RB1CC1: variants seen among roughly 807,000 people sequenced by gnomAD.
The protein encoded by RB1CC1 is RB1 inducible coiled-coil 1.
In RB1CC1, 46 loss-of-function variants were observed where a neutral mutation model predicts 177.5. The ratio of observed to expected loss-of-function variants is 0.26; its 90% CI spans 0.20 to 0.33. The LOEUF is 0.33. Among genes scored for constraint, RB1CC1 ranks in the 10% least tolerant of loss-of-function variants. The probability of loss-of-function intolerance (pLI) is 1.00; values close to 1 mark genes in which losing one functional copy is unlikely to be tolerated. For synonymous variants in RB1CC1, 666 were observed against 613.6 expected (o/e 1.09, Z -1.26); for missense variants, 1,703 against 1,816.3 (o/e 0.94, Z 1.13).
intron 5 of RB1CC1, among the ~76,000 whole-genome samples, chr8:52,681,052 T>C (rs1221780246): frequency 1.3e-5 from 2 of 148,730 alleles, no homozygotes; most frequent in East Asian, 4.0e-4. Context: ...AGTGCAGTGG[T>C]GCGATCTTGG....
At chr8:52,691,955 T>C (rs1854904099) in intron 1 of RB1CC1, among the ~76,000 whole-genome samples, 1 of 152,262 alleles carries the variant, frequency 6.6e-6, no homozygotes, top group South Asian at 2.1e-4. Flanking sequence ...ATTCATTGTA[T>C]ACCACTCATA....
intron 10 of RB1CC1, 43 bp downstream of exon 10, chr8:52,661,052 G>A (rs746849983): frequency 1.7e-5 from 27 of 1,610,750 alleles, no homozygotes; most frequent in African/African-American, 5.4e-5. Context: ...ACACCAATTC[G>A]TTAAAGTTCA....
chr8:52,689,538 C>T (rs1048446588), intron 1 of RB1CC1, among the ~76,000 whole-genome samples: 1 of 152,176 alleles, frequency 6.6e-6, no homozygotes, highest in African/African-American at 2.4e-5. Flanking sequence ...GCAGCTACCA[C>T]TTTGTATTCA....
At chr8:52,649,307 C>G (rs1850349437) in intron 15 of RB1CC1, among the ~76,000 whole-genome samples, 1 of 152,144 alleles carries the variant, frequency 6.6e-6, no homozygotes, top group Non-Finnish European at 1.5e-5. Context: ...TTGTTACCAG[C>G]TGGGAACTTT....
chr8:52,637,111 T>C (rs1849205101), intron 18 of RB1CC1, among the ~76,000 whole-genome samples: 1 of 152,178 alleles, frequency 6.6e-6, no homozygotes, highest in African/African-American at 2.4e-5. Context: ...TTCTGCAACA[T>C]AACACAGTTC....
chr8:52,670,040 A>G (rs1852422249), intron 7 of RB1CC1, among the ~76,000 whole-genome samples: 2 of 152,204 alleles, frequency 1.3e-5, no homozygotes, highest in Admixed American at 6.5e-5. Context: ...TACAGGCTCA[A>G]GCGATCCTAC....
chr8:52,653,610 A>G (rs748519383), intron 15 of RB1CC1, among the ~76,000 whole-genome samples: 4 of 152,112 alleles, frequency 2.6e-5, no homozygotes, highest in South Asian at 2.1e-4. Context: ...GGAGGAGGAG[A>G]TTATTGGTGC....
chr8:52,645,674 C>A, intron 16 of RB1CC1, 28 bp downstream of exon 16: 1 of 1,594,080 alleles, frequency 6.3e-7, no homozygotes, highest in South Asian at 1.1e-5. Context: ...CTTTAGTTCT[C>A]AAATGAAATG....
intron 1 of RB1CC1, among the ~76,000 whole-genome samples, chr8:52,694,036 C>G (rs1465105884): frequency 1.3e-5 from 2 of 152,128 alleles, no homozygotes; most frequent in Non-Finnish European, 2.9e-5. Flanking sequence ...AATGTGCATA[C>G]TGAACACTTC....
Position 52,676,528 on chromosome 8 carries a change from C to G in RB1CC1, c.413G>C (p.Gly138Ala). ...VAKKLCSFCE[G>A]LVHDEHLQHQ... ...TTGAAGATGTTCATCATGTACAAGACCTTCACAAAAAGAACAAAGTTTCTT... is the reference window on the plus strand; with the variant it reads ...TTGAAGATGTTCATCATGTACAAGAGCTTCACAAAAAGAACAAAGTTTCTT... The change falls in exon 6 of 24, where the codon GGT becomes GCT. Residue 138 changes from glycine (G) to alanine (A), a missense_variant. Physicochemically the swap from Gly to Ala is moderately conservative, Grantham distance 60 (BLOSUM62 0). Transcript: ENST00000025008. The G allele has an allele frequency of 6.2e-7, 1 of 1,611,840 alleles. No homozygotes were observed. The highest frequency in any genetic ancestry group is 2.2e-5 in the East Asian group (1 of 44,846).
At chr8:52,659,573 C>T (rs985984967) in intron 12 of RB1CC1, among the ~76,000 whole-genome samples, 4 of 151,768 alleles carry the variant, frequency 2.6e-5, no homozygotes, top group Non-Finnish European at 4.4e-5. Context: ...TGTGGAGATG[C>T]CAAGATGCTC....
chr8:52,662,012 T>C (rs929921658), intron 8 of RB1CC1, among the ~76,000 whole-genome samples: 9 of 152,040 alleles, frequency 5.9e-5, no homozygotes, highest in African/African-American at 1.9e-4. Flanking sequence ...TTAGAAGCTA[T>C]GTGTCTAGAA....
At chr8:52,694,782 C>G (rs1013680321) in intron 1 of RB1CC1, among the ~76,000 whole-genome samples, 1 of 152,170 alleles carries the variant, frequency 6.6e-6, no homozygotes, top group African/African-American at 2.4e-5. Context: ...TTCTTTCTAA[C>G]AGATGATAGA....
intron 1 of RB1CC1, 145 bp from the exon 2 acceptor site, chr8:52,687,112 A>C (rs1854341203): frequency 2.9e-6 from 1 of 346,892 alleles, no homozygotes; most frequent in Non-Finnish European, 5.6e-6. Flanking sequence ...CTATAATAAC[A>C]ACCACATGAC....
At chr8:52,639,683 C>T (rs1265877247) in intron 18 of RB1CC1, among the ~76,000 whole-genome samples, 1 of 152,254 alleles carries the variant, frequency 6.6e-6, no homozygotes, top group Non-Finnish European at 1.5e-5. Flanking sequence ...TAAATGGGCA[C>T]TGCATTATAT....
intron 12 of RB1CC1, 73 bp from the exon 13 acceptor site, chr8:52,659,049 T>G (rs1385784420): frequency 4.1e-6 from 3 of 731,054 alleles, no homozygotes; most frequent in African/African-American, 1.9e-5. Context: ...ATATGATTTC[T>G]TACTATAATT....
At position 52,714,198 on chromosome 8, in the gene RB1CC1, A is replaced by G. The variant is rs1591178257; in HGVS notation, c.-290T>C. On this transcript the variant is annotated 5_prime_UTR_variant, in exon 1 of 24. Transcript: ENST00000025008. Reference sequence around the variant, plus strand: ...GCCCATTCGGCACCGCTAAGCCGACACAACCGCCGGCGTCCCGGGCGCCCG... The same window carrying G: ...GCCCATTCGGCACCGCTAAGCCGACGCAACCGCCGGCGTCCCGGGCGCCCG... 4.4e-6 allele frequency: 1 copy of G among 225,674 alleles called. No individual in the cohort carries two copies. Among genetic ancestry groups the G allele is most frequent in the South Asian group, 3.7e-5 (1 of 26,884 alleles). The allele number at this position is 225,674 out of a possible 1,614,324, so 14.0% of individuals were successfully genotyped here. A position where few individuals can be genotyped will look rare whatever the true frequency, so the allele number is the denominator to read the frequency against.
At position 52,642,339 on chromosome 8, in the gene RB1CC1, A is replaced by T. The variant is rs1270423438; in HGVS notation, c.4337+12T>A. ...AACAGCCTTAAAAACAGTTGAAAAC[A>T]GCCATACTTACTGTACAGACATCAT... is the stretch of plus-strand genomic sequence containing the variant. On this transcript the variant is annotated intron_variant, in intron 18 of 23. Coordinates refer to ENST00000025008, the MANE Select transcript of RB1CC1 (RefSeq NM_014781.5). The T allele has an allele frequency of 1.2e-6, 2 of 1,600,352 alleles. No individual in the cohort carries two copies. The highest frequency in any genetic ancestry group is 1.7e-6 in the Non-Finnish European group (2 of 1,170,350).
chr8:52,665,778 A>G (rs1293977320), intron 8 of RB1CC1, among the ~76,000 whole-genome samples: 1 of 152,204 alleles, frequency 6.6e-6, no homozygotes, highest in African/African-American at 2.4e-5. Context: ...AGAGAGAGAA[A>G]TTAGGTGACT....
Sources: allele counts gnomAD v4.1 joint callset (sites outside exome capture counted in the v4.1 genomes callset), GRCh38; gene constraint gnomAD v4.1.1; transcripts MANE v1.5; gene names NCBI Gene and HGNC (gene_info 2026-07-23, HGNC 2026-07-21).